Variants in BAG1 observed in about 807,000 individuals in gnomAD.
BAG1 encodes the protein BAG family molecular chaperone regulator 1.
A neutral mutation model predicts 35.5 loss-of-function variants in BAG1; 35 were observed. The ratio of observed to expected loss-of-function variants is 0.99; its 90% confidence interval spans 0.75 to 1.31. The LOEUF (loss-of-function observed/expected upper bound fraction) is 1.31, where lower values mean the gene tolerates loss of function less well. Among genes scored for constraint, BAG1 ranks in the 50% most tolerant of loss-of-function variants. The pLI, the probability that BAG1 is intolerant of heterozygous loss-of-function variation, is 0.00. For synonymous variants in BAG1, 191 were observed against 178.9 expected, an observed-to-expected ratio of 1.07 and a Z score of -0.54; for missense variants, 464 against 453.6, an observed-to-expected ratio of 1.02 and a Z score of -0.21.
At chr9:33,255,784 A>G (rs750252715) in intron 6 of BAG1, 81 bp downstream of exon 6, 41 of 1,486,442 alleles carry the variant, frequency 2.8e-5, no homozygotes, top group Non-Finnish European at 3.7e-5. Flanking sequence ...ACGCTCCTAC[A>G]CTACCTGATT....
rs866402854 is a variant in BAG1, at chr9:33,259,064, T to C, written c.664-31A>G. ...ATGTTTAAGAAGAAAATAAAGCCAATAGTCAAAAAGAACAGGCTGGGCATG... is the reference window on the plus strand; with the variant it reads ...ATGTTTAAGAAGAAAATAAAGCCAACAGTCAAAAAGAACAGGCTGGGCATG... On this transcript the variant is annotated intron_variant, in intron 3 of 6. Coordinates refer to ENST00000634734, the MANE Select transcript of BAG1 (RefSeq NM_004323.6). The C allele has an allele frequency of 4.4e-6, 7 of 1,584,708 alleles. No individual in the cohort carries two copies. The Middle Eastern group carries it at 6.8e-4, about 153-fold the overall frequency.
rs1820357107 is a variant in BAG1 at position 33,252,532 on chromosome 9, T to A, written c.*2687A>T. 6.8e-6 allele frequency: 1 copy of A among 147,486 alleles called. No individual in the cohort carries two copies. The highest frequency in any genetic ancestry group is 6.9e-5 in the Admixed American group (1 of 14,554). The allele number at this position is 147,486 out of a possible 1,614,324, so 9.1% of individuals were successfully genotyped here. On this transcript the variant is annotated 3_prime_UTR_variant, in exon 7 of 7. Coordinates refer to ENST00000634734, the MANE Select transcript of BAG1 (RefSeq NM_004323.6). ...ACAAGACTATATAACAAGTTATGCTTGTTATATATGTTATATATGTTATGT... is the reference window on the plus strand; with the variant it reads ...ACAAGACTATATAACAAGTTATGCTAGTTATATATGTTATATATGTTATGT...
At chr9:33,255,584 G>A (rs952762814) in intron 6 of BAG1, among the ~76,000 whole-genome samples, 7 of 152,204 alleles carry the variant, frequency 4.6e-5, no homozygotes, top group African/African-American at 7.2e-5. Flanking sequence ...CTGCACAATC[G>A]CAGGAAGCAC....
chr9:33,262,240 T>C, intron 2 of BAG1: 1 of 1,275,294 alleles, frequency 7.8e-7, no homozygotes, highest in African/African-American at 1.5e-5. Context: ...AAATATCTGT[T>C]GAAGAACTGA....
Position 33,255,941 on chromosome 9 carries a change from A to G in BAG1, c.886-14T>C, listed in dbSNP as rs111244103. 6.3e-7 allele frequency: 1 copy of G among 1,599,854 alleles called. No homozygotes were observed. The highest frequency in any genetic ancestry group is 1.7e-5 in the Admixed American group (1 of 60,004). ...TTCTGGCAGGATCTATGGAAGAGTA[A>G]GTTGATAATACAAGTTAGTAAATAG... On this transcript the variant is annotated splice_polypyrimidine_tract_variant and intron_variant, in intron 5 of 6. Transcript: ENST00000634734.
chr9:33,257,751 T>C (rs951226235), intron 4 of BAG1: 1 of 152,238 alleles, frequency 6.6e-6, no homozygotes, highest in Non-Finnish European at 1.5e-5. Context: ...TTATACAAGA[T>C]GAAATGCATG....
intron 2 of BAG1, chr9:33,261,804 G>T: frequency 1.2e-6 from 1 of 856,250 alleles, no homozygotes; most frequent in Non-Finnish European, 1.4e-6. Context: ...TTCTCAGGGG[G>T]GTGGGAAGAC....
In BAG1 at chr9:33,254,284, C is replaced by A. The variant is rs1564077276; in HGVS notation, c.*935G>T. 1 of 131,918 alleles carries A rather than the reference C, an allele frequency of 7.6e-6. No homozygotes were observed. Among genetic ancestry groups the A allele is most frequent in the Non-Finnish European group, 1.6e-5 (1 of 63,656 alleles). 8.2% of individuals were successfully genotyped at this position (131,918 alleles called of 1,614,324 possible). ...TATAGGCATGAGCTGCTGCGCCAGGCCTTAATTTTTTAAAAACAATGATGG... is the reference window on the plus strand; with the variant it reads ...TATAGGCATGAGCTGCTGCGCCAGGACTTAATTTTTTAAAAACAATGATGG... On this transcript the variant is annotated 3_prime_UTR_variant, in exon 7 of 7. Coordinates refer to ENST00000634734, the MANE Select transcript of BAG1 (RefSeq NM_004323.6).
Position 33,255,824 on chromosome 9 carries a change from T to C in BAG1, c.948+41A>G, listed in dbSNP as rs1280857456. 6 of 1,577,930 alleles carry C rather than the reference T, an allele frequency of 3.8e-6. No individual in the cohort carries two copies. In the Admixed American group the frequency reaches 8.3e-5, roughly 22 times the overall value. ...ACAGATAAACACACATACCTACACA[T>C]TAACATATTACACCTTGTCGTGCAC... On this transcript the variant is annotated intron_variant, in intron 6 of 6. Coordinates refer to ENST00000634734, the MANE Select transcript of BAG1 (RefSeq NM_004323.6).
chr9:33,262,902 C>G (rs1820608587), intron 1 of BAG1, 72 bp from the exon 2 acceptor site: 1 of 1,572,378 alleles, frequency 6.4e-7, no homozygotes, highest in African/African-American at 1.4e-5. Context: ...CACTTTATCA[C>G]ATTTATTTAC....
chr9:33,253,745 T>C lies in BAG1; in HGVS notation c.*1474A>G, dbSNP rs1011078741. 2.8e-5 allele frequency: 4 copies of C among 143,306 alleles called. No individual in the cohort carries two copies. Among genetic ancestry groups the C allele is most frequent in the African/African-American group, 1.1e-4 (4 of 36,948 alleles). The allele number at this position is 143,306 out of a possible 1,614,324, so 8.9% of individuals were successfully genotyped here. A position where few individuals can be genotyped will look rare whatever the true frequency, so the allele number is the denominator to read the frequency against. On this transcript the variant is annotated 3_prime_UTR_variant, in exon 7 of 7. Coordinates refer to ENST00000634734, the MANE Select transcript of BAG1 (RefSeq NM_004323.6). ...ATAAATTATGACTAGAGCCACAGAA[T>C]GATTTCCTCATTAATCCAAAAAAAA...
chr9:33,261,819 G>A, intron 2 of BAG1: 1 of 929,870 alleles, frequency 1.1e-6, no homozygotes, highest in Non-Finnish European at 1.3e-6. Context: ...GAAGACAGAG[G>A]GCAGGGGCCA....
rs534985939 is a variant in BAG1 at position 33,253,644 on chromosome 9, G to A, written c.*1575C>T. 4 of 151,824 alleles carry A rather than the reference G, an allele frequency of 2.6e-5. No homozygotes were observed. Among genetic ancestry groups the A allele is most frequent in the South Asian group, 4.2e-4 (2 of 4,810 alleles). 9.4% of individuals were successfully genotyped at this position (151,824 alleles called of 1,614,324 possible). Reference sequence around the variant, plus strand: ...AGTCCTGAATTCCTGGGACTTCAACGACTCTCTCTCTGCCAAATGATGTGA... The same window carrying A: ...AGTCCTGAATTCCTGGGACTTCAACAACTCTCTCTCTGCCAAATGATGTGA... On this transcript the variant is annotated 3_prime_UTR_variant, in exon 7 of 7. Coordinates refer to ENST00000634734, the MANE Select transcript of BAG1 (RefSeq NM_004323.6).
chr9:33,257,680 C>T (rs1820483485), intron 4 of BAG1: 1 of 152,178 alleles, frequency 6.6e-6, no homozygotes, highest in Non-Finnish European at 1.5e-5. Flanking sequence ...AGAAGCATTA[C>T]ACATAATGGT....
In BAG1 at chr9:33,254,687, A is replaced by G. The variant is rs1198149255; in HGVS notation, c.*532T>C. The G allele has an allele frequency of 4.6e-6, 1 of 219,230 alleles. No homozygotes were observed. Among genetic ancestry groups the G allele is most frequent in the Non-Finnish European group, 9.2e-6 (1 of 108,242 alleles). The allele number at this position is 219,230 out of a possible 1,614,324, so 13.6% of individuals were successfully genotyped here. ...GACAAAGTCTAGAACCCAACAACCCAGCCAGATGCTCTGGAATTAGGTCAC... is the reference window on the plus strand; with the variant it reads ...GACAAAGTCTAGAACCCAACAACCCGGCCAGATGCTCTGGAATTAGGTCAC... On this transcript the variant is annotated 3_prime_UTR_variant, in exon 7 of 7. Coordinates refer to ENST00000634734, the MANE Select transcript of BAG1 (RefSeq NM_004323.6).
intron 3 of BAG1, 78 bp downstream of exon 3, chr9:33,261,009 T>C: frequency 8.3e-7 from 1 of 1,198,990 alleles, no homozygotes; most frequent in Non-Finnish European, 1.2e-6. Context: ...GTCCCCAGTT[T>C]GGTCTTCTAA....
rs1820604366 is a variant in BAG1 at position 33,262,791 on chromosome 9, C to T, written c.491G>A (p.Gly164Asp). Residue 164 changes from glycine to aspartate, a missense_variant, in exon 2 of 7, where the codon GGC becomes GAC. Physicochemically the swap from Gly to Asp is moderately conservative, Grantham distance 94. Coordinates refer to ENST00000634734, the MANE Select transcript of BAG1 (RefSeq NM_004323.6). ...GTCTTGGACAACTGGTTCACTGCTG[C>T]CCTGCTGGGAGGTAACATGAAGGTC... The T allele has an allele frequency of 1.9e-6, 3 of 1,614,014 alleles. No homozygotes were observed. The highest frequency in any genetic ancestry group is 2.2e-5 in the South Asian group (2 of 91,084).
Position 33,264,455 on chromosome 9 carries a change from T to A in BAG1, c.220A>T (p.Lys74Ter). ...CGGGTCGAGCGGCGCCGGGTTTTCTTCTTCATCCGCGGCCTGCGAGCGCCG... is the reference window on the plus strand; with the variant it reads ...CGGGTCGAGCGGCGCCGGGTTTTCTACTTCATCCGCGGCCTGCGAGCGCCG... The change falls in exon 1 of 7, where the codon AAG becomes TAG. Residue 74 changes from lysine to a stop codon, truncating the protein, a stop_gained. Coordinates refer to ENST00000634734, the MANE Select transcript of BAG1 (RefSeq NM_004323.6). LOFTEE classifies it high-confidence loss of function. The A allele has an allele frequency of 6.2e-7, 1 of 1,613,710 alleles. No individual in the cohort carries two copies. Among genetic ancestry groups the A allele is most frequent in the Non-Finnish European group, 8.5e-7 (1 of 1,179,810 alleles).
Position 33,252,547 on chromosome 9 carries a change from ATATGT to A in BAG1, c.*2667_*2671del, listed in dbSNP as rs1820357875. 6.9e-6 allele frequency: 1 copy of A among 145,090 alleles called. No individual in the cohort carries two copies. Among genetic ancestry groups the A allele is most frequent in the Non-Finnish European group, 1.5e-5 (1 of 66,722 alleles). The allele number at this position is 145,090 out of a possible 1,614,324, so 9.0% of individuals were successfully genotyped here. On this transcript the variant is annotated 3_prime_UTR_variant, in exon 7 of 7. Transcript: ENST00000634734. ...AAGTTATGCTTGTTATATATGTTAT[ATATGT>A]TATGTTATATATATATATGTTATAT...
Sources: allele counts gnomAD v4.1 joint callset (sites outside exome capture counted in the v4.1 genomes callset), GRCh38; gene constraint gnomAD v4.1.1; transcripts MANE v1.5; gene names NCBI Gene and HGNC (gene_info 2026-07-23, HGNC 2026-07-21).